Variants in LRRC4B observed in about 807,000 individuals in gnomAD.
The protein encoded by LRRC4B is leucine-rich repeat-containing protein 4B.
Under a neutral mutation model 7.3 loss-of-function variants are expected in LRRC4B, and 1 was observed. The ratio of observed to expected loss-of-function variants is 0.14; its 90% CI spans 0.05 to 0.65. LRRC4B has a LOEUF of 0.65. LRRC4B is among the 30% of genes least tolerant of loss of function. The probability of loss-of-function intolerance (pLI) is 0.84; values close to 1 mark genes in which losing one functional copy is unlikely to be tolerated. For synonymous variants in LRRC4B, 500 were observed against 499.2 expected, an observed-to-expected ratio of 1.00 and a Z score of -0.02; for missense variants, 730 against 1,041.6, an observed-to-expected ratio of 0.70 and a Z score of 4.12.
intron 2 of LRRC4B, among the ~76,000 whole-genome samples, chr19:50,523,857 G>T (rs1980688658): frequency 6.7e-6 from 1 of 149,714 alleles, no homozygotes; most frequent in South Asian, 2.1e-4. Flanking sequence ...TACTTGGGAG[G>T]CTGAGGCAGG....
intron 1 of LRRC4B, among the ~76,000 whole-genome samples, chr19:50,558,673 A>C (rs1568736935): frequency 6.6e-6 from 1 of 152,226 alleles, no homozygotes; most frequent in East Asian, 1.9e-4. Context: ...CAGGGACTGA[A>C]TTCTTCATTC....
chr19:50,558,258 C>T (rs12162228), intron 1 of LRRC4B, among the ~76,000 whole-genome samples: 47,907 of 151,658 alleles, frequency 0.32, 8,531 homozygotes, highest in Non-Finnish European at 0.4. Context: ...TACACACACA[C>T]ACATCACACA....
In LRRC4B at chr19:50,517,667, G is replaced by T; in HGVS notation, c.2046C>A (p.Gly682=). The T allele has an allele frequency of 6.6e-7, 1 of 1,521,856 alleles. No individual in the cohort carries two copies. Among genetic ancestry groups the T allele is most frequent in the African/African-American group, 1.4e-5 (1 of 69,506 alleles). 94.3% of individuals were successfully genotyped at this position (1,521,856 alleles called of 1,614,324 possible). A position where few individuals can be genotyped will look rare whatever the true frequency, so the allele number is the denominator to read the frequency against. ...AHYSSNPSGG[G]CGGKGPPGLN... ...GGCCAGGCGGGCCTTTGCCCCCGCA[G>T]CCCCCGCCGCTGGGGTTGCTGCTGT... The change falls in exon 3 of 3, where the codon GGC becomes GGA. Residue 682 remains glycine (G), a synonymous_variant. Coordinates refer to ENST00000652263, the MANE Select transcript of LRRC4B (RefSeq NM_001080457.2). This position sits in a 1 kb window ranked among gnomAD's most constrained non-coding sequence, Gnocchi z 6.6.
At chr19:50,524,721 CTCTT>C (rs1980725170) in intron 2 of LRRC4B, among the ~76,000 whole-genome samples, 1 of 152,224 alleles carries the variant, frequency 6.6e-6, no homozygotes, top group Non-Finnish European at 1.5e-5. Context: ...CCATTTTACA[CTCTT>C]TATGGTGGAG....
At chr19:50,558,707 C>T (rs969021199) in intron 1 of LRRC4B, among the ~76,000 whole-genome samples, 1 of 152,234 alleles carries the variant, frequency 6.6e-6, no homozygotes, top group Admixed American at 6.5e-5. Flanking sequence ...TGTTGCTGCT[C>T]ATGCATGGCA....
intron 1 of LRRC4B, among the ~76,000 whole-genome samples, chr19:50,561,255 C>T (rs1014511609): frequency 1.3e-5 from 2 of 152,104 alleles, no homozygotes; most frequent in Admixed American, 1.3e-4. Flanking sequence ...AGTGGGGGGC[C>T]CATGGGATCA....
At chr19:50,530,002 C>T (rs1980982280) in intron 2 of LRRC4B, among the ~76,000 whole-genome samples, 1 of 152,066 alleles carries the variant, frequency 6.6e-6, no homozygotes, top group South Asian at 2.1e-4. Context: ...GCTCATCCTC[C>T]CCGTCCAAAG....
chr19:50,518,196 G>T lies in LRRC4B; in HGVS notation c.1517C>A (p.Pro506Gln). The T allele has an allele frequency of 6.2e-7, 1 of 1,608,626 alleles. No homozygotes were observed. Reference protein sequence around the residue: ...ETQPGEEALQPRGTEKEPPGP... With the variant: ...ETQPGEEALQQRGTEKEPPGP... ...TGGCGGTTCCTTCTCCGTCCCCCGC[G>T]GCTGCAGGGCCTCCTCTCCGGGCTG... Residue 506 changes from proline to glutamine, a missense_variant, in exon 3 of 3, where the codon CCG (proline) becomes CAG (glutamine). Pro to Gln is a moderately conservative substitution (Grantham distance 76, BLOSUM62 -1). Around this residue, in one of 6 missense-constraint regions of LRRC4B, gnomAD observed 192 missense variants for 228.6 expected, o/e 0.84. Transcript: ENST00000652263.
At chr19:50,532,244 AAAAC>A (rs1981090594) in intron 2 of LRRC4B, among the ~76,000 whole-genome samples, 1 of 151,974 alleles carries the variant, frequency 6.6e-6, no homozygotes, top group African/African-American at 2.4e-5. Context: ...AACAAAAACA[AAAAC>A]AAAAACAAAA....
rs1380928045 is a variant in LRRC4B, at chr19:50,518,364, G to A, written c.1349C>T (p.Thr450Met). The A allele has an allele frequency of 2.5e-6, 4 of 1,601,756 alleles. No individual in the cohort carries two copies. Among genetic ancestry groups the A allele is most frequent in the Admixed American group, 1.7e-5 (1 of 57,986 alleles). The change falls in exon 3 of 3, where the codon ACG becomes ATG. Residue 450 changes from threonine to methionine, a missense_variant. Physicochemically the swap from Thr to Met is moderately conservative, Grantham distance 81. Around this residue, in one of 6 missense-constraint regions of LRRC4B, gnomAD observed 192 missense variants for 228.6 expected, o/e 0.84. Coordinates refer to ENST00000652263, the MANE Select transcript of LRRC4B (RefSeq NM_001080457.2). ...NSAGNTTASA[T>M]LNVSAVDPVA... Reference sequence around the variant, plus strand: ...GGGGTCCACGGCCGAGACGTTGAGCGTGGCCGAGGCGGTGGTGTTGCCGGC... The same window carrying A: ...GGGGTCCACGGCCGAGACGTTGAGCATGGCCGAGGCGGTGGTGTTGCCGGC...
chr19:50,540,273 G>A (rs1276306826), intron 2 of LRRC4B, among the ~76,000 whole-genome samples: 1 of 152,202 alleles, frequency 6.6e-6, no homozygotes, highest in Non-Finnish European at 1.5e-5. Context: ...CTGCACAGAA[G>A]GAGGTGAGCA....
intron 1 of LRRC4B, among the ~76,000 whole-genome samples, chr19:50,552,968 G>A (rs1156908821): frequency 2.6e-5 from 4 of 152,318 alleles, no homozygotes; most frequent in Non-Finnish European, 5.9e-5. Context: ...TGTAACCTCG[G>A]GCCGGTGGCT....
chr19:50,538,947 G>T (rs1981422772), intron 2 of LRRC4B, among the ~76,000 whole-genome samples: 1 of 151,320 alleles, frequency 6.6e-6, no homozygotes, highest in Non-Finnish European at 1.5e-5. Flanking sequence ...GAGTGCAGTG[G>T]CACGATCTCG....
chr19:50,564,870 C>T (rs1453606329), intron 1 of LRRC4B, among the ~76,000 whole-genome samples: 1 of 41,390 alleles, frequency 2.4e-5, no homozygotes, highest in East Asian at 2.2e-4. Flanking sequence ...GAGGATTCAG[C>T]GGCCACCCCC....
chr19:50,523,957 TA>T (rs574618168), intron 2 of LRRC4B, among the ~76,000 whole-genome samples: 1,487 of 134,522 alleles, frequency 0.011, 28 homozygotes, highest in African/African-American at 0.036. Context: ...AGACTCTGTC[TA>T]AAAAAAAAAA....
At chr19:50,554,425 G>A (rs1982203460) in intron 1 of LRRC4B, among the ~76,000 whole-genome samples, 1 of 152,088 alleles carries the variant, frequency 6.6e-6, no homozygotes, top group African/African-American at 2.4e-5. Context: ...GTTCCAAACA[G>A]GAGGTCCCCA....
rs970739808 is a variant in LRRC4B, at chr19:50,553,432, C to G, written c.-35-4559G>C. 6.6e-6 allele frequency among the ~76,000 whole-genome samples: 1 copy of G among 152,218 alleles called. No homozygotes were observed. Among genetic ancestry groups the G allele is most frequent in the Non-Finnish European group, 1.5e-5 (1 of 68,044 alleles). The stretch of plus-strand genomic sequence containing the variant: ...CTTCCCTCCTCCCCCTGCTCACTCG[C>G]TGTTTCCAGAACAGGCCGTGCACAC... On this transcript the variant is annotated intron_variant, in intron 1 of 2. Coordinates refer to ENST00000652263, the MANE Select transcript of LRRC4B (RefSeq NM_001080457.2). The surrounding 1 kb of genome is among the most constrained non-coding windows in gnomAD (Gnocchi z 4.2).
At position 50,568,249 on chromosome 19, in the gene LRRC4B, T is replaced by C. The variant is rs1214221841; in HGVS notation, c.-341A>G. ...TTCCTTCTTGCCTTCCTTTCTTTCC[T>C]TCTTTCTTTCCTGGCTTCCTTCCTT... On this transcript the variant is annotated 5_prime_UTR_variant, in exon 1 of 3. Coordinates refer to ENST00000652263, the MANE Select transcript of LRRC4B (RefSeq NM_001080457.2). Among the ~76,000 whole-genome samples, 1 of 151,602 alleles carries C rather than the reference T, an allele frequency of 6.6e-6. No individual in the cohort carries two copies. The highest frequency in any genetic ancestry group is 2.4e-5 in the African/African-American group (1 of 41,310).
At chr19:50,524,068 G>A (rs1429097158) in intron 2 of LRRC4B, among the ~76,000 whole-genome samples, 1 of 151,880 alleles carries the variant, frequency 6.6e-6, no homozygotes, top group Non-Finnish European at 1.5e-5. Flanking sequence ...TTTCCTCAAT[G>A]AGGAAAAATT....
Sources: gnomAD v4.1 joint callset for allele counts (sites outside exome capture counted in the v4.1 genomes callset) on GRCh38, gnomAD v4.1.1 for gene constraint, gnomAD v4.1.1 regional missense constraint, Gnocchi (gnomAD v3.1) non-coding constraint, MANE v1.5 for transcripts, NCBI Gene and HGNC (gene_info 2026-07-23, HGNC 2026-07-21) for gene names.